Variants in PTPRD observed in about 807,000 individuals in gnomAD.
PTPRD encodes the protein receptor-type tyrosine-protein phosphatase delta.
A neutral mutation model predicts 214.5 loss-of-function variants in PTPRD; 34 were observed. The observed-to-expected ratio is 0.16, with a 90% CI of 0.12 to 0.21. The LOEUF is 0.21. Among genes scored for constraint, PTPRD ranks in the 10% least tolerant of loss-of-function variants. The pLI, the probability that PTPRD is intolerant of heterozygous loss-of-function variation, is 1.00. For missense variants in PTPRD, 2,545 were observed against 2,398.7 expected, an observed-to-expected ratio of 1.06 and a Z score of -1.27; for synonymous variants, 1,128 against 845.7, an observed-to-expected ratio of 1.33 and a Z score of -5.79.
intron 6 of PTPRD, among the ~76,000 whole-genome samples, chr9:9,747,112 A>C (rs1295094422): frequency 2.0e-5 from 3 of 152,162 alleles, no homozygotes; most frequent in Non-Finnish European, 4.4e-5. Context: ...GAAATAAAGA[A>C]GTTTCTGATG....
intron 3 of PTPRD, among the ~76,000 whole-genome samples, chr9:10,090,672 G>T (rs554320339): frequency 2.0e-5 from 3 of 146,648 alleles, no homozygotes; most frequent in Admixed American, 7.0e-5. Flanking sequence ...TAAAGTAAAT[G>T]ATTTTTTTTA....
At chr9:10,371,496 T>A (rs929270611) in intron 2 of PTPRD, among the ~76,000 whole-genome samples, 6 of 152,116 alleles carry the variant, frequency 3.9e-5, no homozygotes, top group African/African-American at 1.4e-4. Context: ...CAGAGCACTT[T>A]GTCCTCCTGC....
At chr9:9,898,964 T>C (rs1275365987) in intron 5 of PTPRD, among the ~76,000 whole-genome samples, 2 of 152,090 alleles carry the variant, frequency 1.3e-5, no homozygotes, top group Admixed American at 6.6e-5. Flanking sequence ...TATTCATGGA[T>C]TCATGATTAT....
intron 2 of PTPRD, among the ~76,000 whole-genome samples, chr9:10,530,661 T>A (rs1160801773): frequency 6.6e-6 from 1 of 152,080 alleles, no homozygotes; most frequent in Non-Finnish European, 1.5e-5. Context: ...TAATAATTAA[T>A]CATAATGATA....
chr9:8,575,490 T>C (rs1217091112), intron 14 of PTPRD, among the ~76,000 whole-genome samples: 2 of 152,156 alleles, frequency 1.3e-5, no homozygotes, highest in Non-Finnish European at 2.9e-5. Context: ...TTCTTGAAAA[T>C]AAATTACAGG....
In PTPRD at chr9:9,658,501, A is replaced by G. The variant is rs570043851; in HGVS notation, c.-287+76032T>C. Among the ~76,000 whole-genome samples, 44 of 152,302 alleles carry G rather than the reference A, an allele frequency of 2.9e-4. 1 individual carries two copies. The South Asian group carries it at 8.9e-3, about 31-fold the overall frequency. On this transcript the variant is annotated intron_variant, in intron 7 of 45. Transcript: ENST00000381196. ...TCTAGTACAATGAATGACATGTAGT[A>G]GGAGTTTGATAACTGTTTGTAAAGC...
At chr9:9,727,442 C>A (rs1294103313) in intron 7 of PTPRD, among the ~76,000 whole-genome samples, 1 of 152,020 alleles carries the variant, frequency 6.6e-6, no homozygotes, top group Non-Finnish European at 1.5e-5. Flanking sequence ...CAGAGTGAGA[C>A]CCTGTCTGAA....
chr9:9,080,660 C>G (rs2154421022), intron 10 of PTPRD, among the ~76,000 whole-genome samples: 2 of 152,214 alleles, frequency 1.3e-5, no homozygotes, highest in Admixed American at 1.3e-4. Context: ...GGGTCTATCC[C>G]ACTTAACCAG....
At chr9:10,504,114 T>A (rs1427761270) in intron 2 of PTPRD, among the ~76,000 whole-genome samples, 1 of 1,068 alleles carries the variant, frequency 9.4e-4, no homozygotes, top group Non-Finnish European at 7.4e-3. Context: ...AGACTCTGTC[T>A]CAAAAAAAAA....
At chr9:10,052,240 T>A (rs1382333198) in intron 3 of PTPRD, among the ~76,000 whole-genome samples, 1 of 152,174 alleles carries the variant, frequency 6.6e-6, no homozygotes, top group African/African-American at 2.4e-5. Context: ...TCACCTGCCT[T>A]TACAAATCAA....
chr9:9,812,063 T>C (rs2047315642), intron 5 of PTPRD, among the ~76,000 whole-genome samples: 1 of 152,178 alleles, frequency 6.6e-6, no homozygotes, highest in Non-Finnish European at 1.5e-5. Flanking sequence ...AGCAAAAAGA[T>C]TACAACTCAC....
At chr9:9,527,634 T>C (rs1271815744) in intron 8 of PTPRD, among the ~76,000 whole-genome samples, 8 of 152,196 alleles carry the variant, frequency 5.3e-5, no homozygotes, top group African/African-American at 1.9e-4. Flanking sequence ...AAAATCTTGC[T>C]TCTCTTATGT....
Position 8,328,604 on chromosome 9 carries a change from CCTGATAT to C in PTPRD, c.5534+2971_5534+2977del, listed in dbSNP as rs1563960683. 6.1e-5 allele frequency among the ~76,000 whole-genome samples: 3 copies of C among 48,920 alleles called. No homozygotes were observed. The African/African-American group carries it at 7.8e-4, about 13-fold the overall frequency. The allele number at this position is 48,920 out of a possible 152,430, so 32.1% of individuals were successfully genotyped here. A position where few individuals can be genotyped will look rare whatever the true frequency, so the allele number is the denominator to read the frequency against. ...TTGGGGAAGTTCTTCTGGATAATAT[CCTGATAT>C]CCTGAAGAGTTTTCTCCAACTTGGT... On this transcript the variant is annotated intron_variant, in intron 44 of 45. Coordinates refer to ENST00000381196, the MANE Select transcript of PTPRD (RefSeq NM_002839.4).
chr9:8,812,014 G>T (rs1280476783), intron 11 of PTPRD, among the ~76,000 whole-genome samples: 1 of 152,166 alleles, frequency 6.6e-6, no homozygotes. Flanking sequence ...ATTCCATAAA[G>T]ATCAAGGTTC....
At chr9:9,080,004 C>A (rs1046497588) in intron 10 of PTPRD, among the ~76,000 whole-genome samples, 6 of 151,922 alleles carry the variant, frequency 3.9e-5, no homozygotes, top group African/African-American at 1.2e-4. Context: ...AATGACATCC[C>A]GAACATTCTA....
intron 39 of PTPRD, among the ~76,000 whole-genome samples, chr9:8,367,074 G>A (rs546658709): frequency 3.3e-5 from 5 of 152,218 alleles, no homozygotes; most frequent in African/African-American, 1.2e-4. Flanking sequence ...CAAGCGTATG[G>A]TTTGTATGGT....
At chr9:10,276,182 G>C (rs1258430974) in intron 3 of PTPRD, among the ~76,000 whole-genome samples, 1 of 152,148 alleles carries the variant, frequency 6.6e-6, no homozygotes, top group South Asian at 2.1e-4. Context: ...TTTTTGTAGA[G>C]GATCTCAGGT....
chr9:9,455,962 C>T (rs1044769020), intron 8 of PTPRD, among the ~76,000 whole-genome samples: 4 of 151,694 alleles, frequency 2.6e-5, no homozygotes, highest in Admixed American at 6.6e-5. Context: ...CAACCTTGAA[C>T]AATCAATATT....
intron 33 of PTPRD, 146 bp from the exon 34 acceptor site, chr9:8,449,983 G>A: frequency 1.3e-6 from 1 of 745,062 alleles, no homozygotes; most frequent in Non-Finnish European, 2.1e-6. Context: ...ACCCAGTTCG[G>A]GTTGCTTTTC....
Sources: gnomAD v4.1 joint callset for allele counts (sites outside exome capture counted in the v4.1 genomes callset) on GRCh38, gnomAD v4.1.1 for gene constraint, MANE v1.5 for transcripts, NCBI Gene and HGNC (gene_info 2026-07-23, HGNC 2026-07-21) for gene names.